Variants in DMD observed in about 807,000 individuals in gnomAD.
DMD encodes mutant dystrophin.
DMD carries 63 observed loss-of-function variants against 330.1 expected under a neutral mutation model. That is an observed-to-expected ratio of 0.19 (90% CI 0.16 to 0.24). The LOEUF is 0.24. DMD is among the 10% of genes least tolerant of loss of function. DMD has a pLI of 1.00. For synonymous variants in DMD, 1,223 were observed against 959.8 expected (o/e 1.27, Z -5.07); for missense variants, 3,344 against 2,684.1 (o/e 1.25, Z -5.43).
At chrX:33,289,113 A>T (rs898946737) in intron 1 of DMD, among the ~76,000 whole-genome samples, 6 of 111,697 alleles carry the variant, frequency 5.4e-5, no homozygotes, top group Non-Finnish European at 9.4e-5. Flanking sequence ...TTTTTTAATT[A>T]AAAAAATCTT....
At chrX:32,131,587 T>A (rs1195521826) in intron 44 of DMD, among the ~76,000 whole-genome samples, 2 of 112,037 alleles carry the variant, frequency 1.8e-5, no homozygotes, top group African/African-American at 6.5e-5. Flanking sequence ...TCTTGTCGCA[T>A]TGGAAAACGC....
chrX:31,697,029 A>G (rs891741145), intron 52 of DMD, among the ~76,000 whole-genome samples: 1 of 112,521 alleles, frequency 8.9e-6, no homozygotes, highest in African/African-American at 3.2e-5. Context: ...TCAAGGAATG[A>G]AAGCAAATCT....
chrX:31,839,293 C>T (rs2093268018), intron 48 of DMD, among the ~76,000 whole-genome samples: 1 of 111,809 alleles, frequency 8.9e-6, no homozygotes, highest in Admixed American at 9.6e-5. Flanking sequence ...GAGAGTAAGA[C>T]CCATAACTAC....
At chrX:31,538,409 T>C (rs2073572186) in intron 55 of DMD, among the ~76,000 whole-genome samples, 1 of 112,254 alleles carries the variant, frequency 8.9e-6, no homozygotes, top group Non-Finnish European at 1.9e-5. Flanking sequence ...AAACTACAGA[T>C]CAAAGAAGAT....
chrX:31,380,499 C>G (rs1056752046), intron 60 of DMD, among the ~76,000 whole-genome samples: 1 of 111,015 alleles, frequency 9.0e-6, no homozygotes, highest in African/African-American at 3.3e-5. Context: ...CATCCCATCC[C>G]ACAGCACGCT....
At chrX:33,185,746 T>G (rs1314287684) in intron 1 of DMD, among the ~76,000 whole-genome samples, 1 of 111,934 alleles carries the variant, frequency 8.9e-6, no homozygotes, top group African/African-American at 3.2e-5. Context: ...TCTCTACTTC[T>G]GTTAATGTTA....
intron 64 of DMD, among the ~76,000 whole-genome samples, chrX:31,221,272 C>G (rs1264509984): frequency 9.0e-6 from 1 of 111,657 alleles, no homozygotes; most frequent in Admixed American, 9.5e-5. Context: ...CCTCTAAATT[C>G]CTTAACTTGG....
intron 9 of DMD, among the ~76,000 whole-genome samples, chrX:32,683,755 G>A (rs2062620246): frequency 9.6e-6 from 1 of 104,440 alleles, no homozygotes; most frequent in African/African-American, 3.6e-5. Flanking sequence ...TAACTAACCT[G>A]CACATTGTGC....
chrX:32,653,590 G>A (rs183052928), intron 9 of DMD, among the ~76,000 whole-genome samples: 7 of 111,887 alleles, frequency 6.3e-5, no homozygotes, highest in Non-Finnish European at 1.3e-4. Flanking sequence ...ATCAGGTAGT[G>A]TGATACCTCC....
chrX:32,689,532 C>T (rs1392946531), intron 9 of DMD, among the ~76,000 whole-genome samples: 2 of 111,304 alleles, frequency 1.8e-5, no homozygotes, highest in Admixed American at 1.9e-4. Context: ...TTTGAAAAAA[C>T]TGAAGTGGAG....
chrX:32,632,033 A>G (rs1362022767), intron 11 of DMD, among the ~76,000 whole-genome samples: 3 of 111,820 alleles, frequency 2.7e-5, no homozygotes, highest in African/African-American at 9.8e-5. Flanking sequence ...AGACAAGGTA[A>G]GTTTCTTCTA....
chrX:32,858,246 T>C (rs1603449660), intron 2 of DMD, among the ~76,000 whole-genome samples: 1 of 112,536 alleles, frequency 8.9e-6, no homozygotes, highest in East Asian at 2.8e-4. Context: ...TTAAATTTCT[T>C]TGAAAGCATA....
intron 30 of DMD, among the ~76,000 whole-genome samples, chrX:32,401,319 C>CT (rs1392364285): frequency 1.9e-5 from 2 of 104,353 alleles, no homozygotes; most frequent in Non-Finnish European, 3.9e-5. Flanking sequence ...TACCCTAAAA[C>CT]TTAAAGTATA....
intron 7 of DMD, among the ~76,000 whole-genome samples, chrX:32,704,927 T>C: frequency 8.9e-6 from 1 of 112,401 alleles, no homozygotes; most frequent in Admixed American, 9.4e-5. Context: ...TGGATTATTT[T>C]TTGAGGCTTG....
chrX:31,214,930 CTTTTTTCTTTTTTT>C (rs2045197852), intron 64 of DMD, among the ~76,000 whole-genome samples: 2 of 46,136 alleles, frequency 4.3e-5, no homozygotes. Flanking sequence ...TTTTTTATTT[CTTTTTTCTTTTTTT>C]TTTTTTTTTT....
chrX:32,831,616 A>G lies in DMD; in HGVS notation c.265-8229T>C, dbSNP rs769341683. On this transcript the variant is annotated intron_variant, in intron 4 of 78. Transcript: ENST00000357033. ...AGAGAGAGAAGGGAAAATGATGAATAAAACTAAGAGTTACATTCCTGTAAG... is the reference window on the plus strand; with the variant it reads ...AGAGAGAGAAGGGAAAATGATGAATGAAACTAAGAGTTACATTCCTGTAAG... Among the ~76,000 whole-genome samples, 9 of 108,685 alleles carry G rather than the reference A, an allele frequency of 8.3e-5. No individual in the cohort carries two copies. The South Asian group carries it at 3.7e-3, about 45-fold the overall frequency. The allele number at this position is 108,685 out of a possible 115,157, so 94.4% of individuals were successfully genotyped here.
chrX:32,113,247 AG>A (rs1282384229), intron 44 of DMD, among the ~76,000 whole-genome samples: 1 of 112,747 alleles, frequency 8.9e-6, no homozygotes, highest in Non-Finnish European at 1.9e-5. Context: ...AGGTGCATCC[AG>A]TAGGGTGACT....
At chrX:32,664,493 G>A (rs752157193) in intron 9 of DMD, among the ~76,000 whole-genome samples, 3 of 109,928 alleles carry the variant, frequency 2.7e-5, no homozygotes, top group South Asian at 7.7e-4. Context: ...CGCCCGCCTC[G>A]GCCTCTCAAA....
chrX:31,670,440 T>C (rs1448694629), intron 53 of DMD, among the ~76,000 whole-genome samples: 1 of 111,929 alleles, frequency 8.9e-6, no homozygotes, highest in Non-Finnish European at 1.9e-5. Flanking sequence ...CTGCCTTTTA[T>C]CAGGTTGAGG....
Sources: gnomAD v4.1 joint callset for allele counts (sites outside exome capture counted in the v4.1 genomes callset) on GRCh38, gnomAD v4.1.1 for gene constraint, MANE v1.5 for transcripts, NCBI Gene and HGNC (gene_info 2026-07-23, HGNC 2026-07-21) for gene names.